The following SETD5 variants were observed in gnomAD, a reference collection of about 807,000 sequenced individuals.
The protein encoded by SETD5 is histone-lysine N-methyltransferase SETD5.
A neutral mutation model predicts 153.3 loss-of-function variants in SETD5; 44 were observed. The observed-to-expected ratio is 0.29, with a 90% CI of 0.23 to 0.37. SETD5 has a LOEUF of 0.37. SETD5 is among the 10% of genes least tolerant of loss of function. The probability of loss-of-function intolerance (pLI) is 1.00; values close to 1 mark genes in which losing one functional copy is unlikely to be tolerated. For synonymous variants in SETD5, 716 were observed against 645.2 expected, an observed-to-expected ratio of 1.11 and a Z score of -1.66; for missense variants, 1,544 against 1,768.0, an observed-to-expected ratio of 0.87 and a Z score of 2.27.
chr3:9,450,757 C>A (rs191819625), intron 16 of SETD5, among the ~76,000 whole-genome samples: 2 of 152,232 alleles, frequency 1.3e-5, no homozygotes, highest in Admixed American at 1.3e-4. Flanking sequence ...CTAATAGGCT[C>A]ACTGTTTCAT....
In SETD5 at chr3:9,447,797, C is replaced by T; in HGVS notation, c.1894C>T (p.Arg632Cys). ...GACCAGTTCAGCCCAAAGACTAAAG[C>T]GTCAGAAGCAGGCCAATGCACAGCA... Reference protein sequence around the residue: ...YRTSSAQRLKRQKQANAQQAE... With the variant: ...YRTSSAQRLKCQKQANAQQAE... Residue 632 changes from arginine (R) to cysteine (C), a missense_variant, in exon 15 of 23, where the codon CGT becomes TGT. By Grantham distance (180) the Arg-to-Cys change is radical. Transcript: ENST00000402198. The T allele has an allele frequency of 1.9e-6, 3 of 1,613,946 alleles. No individual in the cohort carries two copies. Among genetic ancestry groups the T allele is most frequent in the African/African-American group, 1.3e-5 (1 of 75,006 alleles).
rs143854369 is a variant in SETD5, at chr3:9,453,950, A to C, written c.2476+82A>C. 2.4e-4 allele frequency: 335 copies of C among 1,369,092 alleles called. 2 individuals are homozygous for C. The East Asian group carries it at 6.7e-3, about 27-fold the overall frequency. The allele number at this position is 1,369,092 out of a possible 1,614,324, so 84.8% of individuals were successfully genotyped here. A position where few individuals can be genotyped will look rare whatever the true frequency, so the allele number is the denominator to read the frequency against. On this transcript the variant is annotated intron_variant, in intron 17 of 22. Transcript: ENST00000402198. The stretch of plus-strand genomic sequence containing the variant: ...AAAAATTTAAGTATGAGTATTTCTG[A>C]TACAAAAAGAAATGGCGTGTTTTCT...
chr3:9,441,838 G>GA lies in SETD5; in HGVS notation c.959+104dup, dbSNP rs1030813250. 542 of 1,470,184 alleles carry GA rather than the reference G, an allele frequency of 3.7e-4. 1 individual carries two copies. Among genetic ancestry groups the GA allele is most frequent in the Non-Finnish European group, 4.7e-4 (500 of 1,062,678 alleles). 91.1% of individuals were successfully genotyped at this position (1,470,184 alleles called of 1,614,324 possible). A position where few individuals can be genotyped will look rare whatever the true frequency, so the allele number is the denominator to read the frequency against. Reference sequence around the variant, plus strand: ...TCTGTTTGATAAGACGCTCTTGGGAGAAAAAAATCACAACTCAGATAAGCT... The same window carrying GA: ...TCTGTTTGATAAGACGCTCTTGGGAGAAAAAAAATCACAACTCAGATAAGCT... On this transcript the variant is annotated intron_variant, in intron 9 of 22. Transcript: ENST00000402198.
rs2037753908 is a variant in SETD5 at position 9,417,875 on chromosome 3, A to C, written c.-176-6592A>C. ...TCTTACAGTGTCTAGGTTTCTTTCCAAAGGTGATTAAAAATGAAGCATCAT... is the reference window on the plus strand; with the variant it reads ...TCTTACAGTGTCTAGGTTTCTTTCCCAAGGTGATTAAAAATGAAGCATCAT... On this transcript the variant is annotated intron_variant, in intron 1 of 22. Coordinates refer to ENST00000402198, the MANE Select transcript of SETD5 (RefSeq NM_001080517.3). Among the ~76,000 whole-genome samples, 3 of 151,402 alleles carry C rather than the reference A, an allele frequency of 2.0e-5. No homozygotes were observed. The South Asian group carries it at 6.2e-4, about 31-fold the overall frequency.
intron 1 of SETD5, among the ~76,000 whole-genome samples, chr3:9,419,955 G>T (rs1203830537): frequency 6.6e-6 from 1 of 152,112 alleles, no homozygotes; most frequent in East Asian, 1.9e-4. Context: ...TGGTACATTG[G>T]TCTCTAACAC....
intron 1 of SETD5, among the ~76,000 whole-genome samples, chr3:9,419,061 A>C (rs1183688018): frequency 1.3e-5 from 2 of 151,996 alleles, no homozygotes; most frequent in South Asian, 4.1e-4. Context: ...TCCTGACCTC[A>C]GGTGATCCAC....
chr3:9,413,192 C>T (rs1252335569), intron 1 of SETD5, among the ~76,000 whole-genome samples: 1 of 152,042 alleles, frequency 6.6e-6, no homozygotes. Context: ...CCTGCTATTT[C>T]CAATCAACAG....
rs1444263287 is a variant in SETD5, at chr3:9,473,532, T to G, written c.3492T>G (p.Ser1164Arg). 6.2e-7 allele frequency: 1 copy of G among 1,610,148 alleles called. No homozygotes were observed. The highest frequency in any genetic ancestry group is 8.5e-7 in the Non-Finnish European group (1 of 1,177,962). The stretch of plus-strand genomic sequence containing the variant: ...GCAGACCTCAAGAGAATATCAGCAG[T>G]AGGTGGTAAGTTTATATTTGATGTT... ...SHCRPQENIS[S>R]RWMVPTSVER... The change falls in exon 20 of 23, where the codon AGT becomes AGG. Residue 1164 changes from serine to arginine, a missense_variant. Ser to Arg is a moderately radical substitution (Grantham distance 110). Coordinates refer to ENST00000402198, the MANE Select transcript of SETD5 (RefSeq NM_001080517.3).
chr3:9,435,015 C>T (rs912527784), intron 6 of SETD5, 133 bp downstream of exon 6: 20 of 973,098 alleles, frequency 2.1e-5, no homozygotes, highest in South Asian at 3.7e-5. Context: ...GAGGCCAAAG[C>T]GGGCGGATCA....
chr3:9,398,907 G>A (rs1000037942), intron 1 of SETD5, among the ~76,000 whole-genome samples: 1 of 152,222 alleles, frequency 6.6e-6, no homozygotes, highest in Non-Finnish European at 1.5e-5. Context: ...GGATGCTGCA[G>A]TCAGCTCTGC....
chr3:9,460,226 A>C (rs554621357), intron 17 of SETD5, among the ~76,000 whole-genome samples: 8 of 152,000 alleles, frequency 5.3e-5, no homozygotes, highest in Admixed American at 2.0e-4. Flanking sequence ...AATAACATTT[A>C]GATAACAAAG....
At chr3:9,474,615 C>A (rs749717467) in intron 21 of SETD5, 33 bp downstream of exon 21, 7 of 1,610,914 alleles carry the variant, frequency 4.3e-6, no homozygotes, top group African/African-American at 1.3e-5. Flanking sequence ...CCACCACATT[C>A]AGGGACACAT....
At chr3:9,423,188 T>C (rs1052681167) in intron 1 of SETD5, 5 of 152,274 alleles carry the variant, frequency 3.3e-5, no homozygotes, top group Non-Finnish European at 7.3e-5. Context: ...GCAAGTCATA[T>C]AGAGAAGAGA....
chr3:9,466,015 G>T (rs546229843), intron 18 of SETD5, among the ~76,000 whole-genome samples: 2 of 152,108 alleles, frequency 1.3e-5, no homozygotes, highest in African/African-American at 4.8e-5. Flanking sequence ...GAGGCCGGGC[G>T]CAGTGGCTCA....
chr3:9,441,593 T>G lies in SETD5; in HGVS notation c.811T>G (p.Leu271Val). The change falls in exon 9 of 23, where the codon TTA (leucine) becomes GTA (valine). Residue 271 changes from leucine to valine, a missense_variant and splice_region_variant. Around this residue, in one of 9 missense-constraint regions of SETD5, gnomAD observed 30 missense variants for 66.0 expected, o/e 0.45. Transcript: ENST00000402198. Reference sequence around the variant, plus strand: ...ATGTTATTGCTCTGGTTTTATTCAGTTACAGCTGGGAAGAGTCACTCGTGT... The same window carrying G: ...ATGTTATTGCTCTGGTTTTATTCAGGTACAGCTGGGAAGAGTCACTCGTGT... The part of the protein sequence containing the change: ...NNTVIGSQMQ[L>V]QLGRVTRVQK... The G allele has an allele frequency of 6.2e-7, 1 of 1,613,846 alleles. No homozygotes were observed. Among genetic ancestry groups the G allele is most frequent in the Non-Finnish European group, 8.5e-7 (1 of 1,179,758 alleles).
rs553781214 is a variant in SETD5 at position 9,448,134 on chromosome 3, A to G, written c.2103+128A>G. 46 of 1,216,572 alleles carry G rather than the reference A, an allele frequency of 3.8e-5. No individual in the cohort carries two copies. In the African/African-American group the frequency reaches 6.7e-4, roughly 18 times the overall value. 75.4% of individuals were successfully genotyped at this position (1,216,572 alleles called of 1,614,324 possible). On this transcript the variant is annotated intron_variant, in intron 15 of 22. Transcript: ENST00000402198. Reference sequence around the variant, plus strand: ...AGATTGAAAGTTCTAAAATGCTTTGACACAAAAGGCTGGAGTCATCCTGCT... The same window carrying G: ...AGATTGAAAGTTCTAAAATGCTTTGGCACAAAAGGCTGGAGTCATCCTGCT...
chr3:9,423,660 T>C (rs1403415358), intron 1 of SETD5, among the ~76,000 whole-genome samples: 2 of 152,214 alleles, frequency 1.3e-5, no homozygotes, highest in Non-Finnish European at 2.9e-5. Context: ...TAGTTTATTT[T>C]CCAGTTTTTT....
rs892831536 is a variant in SETD5, at chr3:9,431,137, G to A, written c.71+2128G>A. 1.0e-5 allele frequency: 10 copies of A among 985,368 alleles called. No individual in the cohort carries two copies. The African/African-American group carries it at 1.6e-4, about 15-fold the overall frequency. The allele number at this position is 985,368 out of a possible 1,614,324, so 61.0% of individuals were successfully genotyped here. A position where few individuals can be genotyped will look rare whatever the true frequency, so the allele number is the denominator to read the frequency against. On this transcript the variant is annotated intron_variant, in intron 3 of 22. Coordinates refer to ENST00000402198, the MANE Select transcript of SETD5 (RefSeq NM_001080517.3). ...ACTTCATAGAATTTTAAATCTGATG[G>A]CAACTATATGCAATACGCATTTATT...
At chr3:9,412,441 C>T (rs868460783) in intron 1 of SETD5, among the ~76,000 whole-genome samples, 1 of 129,832 alleles carries the variant, frequency 7.7e-6, no homozygotes, top group African/African-American at 2.9e-5. Context: ...CCTACTCTGT[C>T]GCCCAGGCTA....
Sources: gnomAD v4.1 joint callset for allele counts (sites outside exome capture counted in the v4.1 genomes callset) on GRCh38, gnomAD v4.1.1 for gene constraint, gnomAD v4.1.1 regional missense constraint, MANE v1.5 for transcripts, NCBI Gene and HGNC (gene_info 2026-07-23, HGNC 2026-07-21) for gene names.